Variants in PICALM observed in about 807,000 individuals in gnomAD.
PICALM encodes the protein phosphatidylinositol-binding clathrin assembly protein.
Under a neutral mutation model 80.5 loss-of-function variants are expected in PICALM, and 40 were observed. The observed-to-expected ratio is 0.50, with a 90% CI of 0.39 to 0.65. The LOEUF (loss-of-function observed/expected upper bound fraction) is 0.65, where lower values mean the gene tolerates loss of function less well. Among genes scored for constraint, PICALM ranks in the 30% least tolerant of loss-of-function variants. PICALM has a pLI of 0.00. For synonymous variants in PICALM, 288 were observed against 260.3 expected, an observed-to-expected ratio of 1.11 and a Z score of -1.02; for missense variants, 676 against 778.9, an observed-to-expected ratio of 0.87 and a Z score of 1.57.
intron 1 of PICALM, among the ~76,000 whole-genome samples, chr11:86,033,503 T>G (rs540861254): frequency 4.7e-4 from 72 of 152,288 alleles, no homozygotes; most frequent in African/African-American, 1.7e-3. Flanking sequence ...GCTTGCTCCC[T>G]TCGCTTCCTT....
intron 1 of PICALM, among the ~76,000 whole-genome samples, chr11:86,044,284 G>GTA (rs2096028267): frequency 6.6e-6 from 1 of 152,134 alleles, no homozygotes; most frequent in South Asian, 2.1e-4. Context: ...GGCAACAGTG[G>GTA]TAGTGTGTCA....
intron 19 of PICALM, 35 bp from the exon 20 acceptor site, chr11:85,959,095 A>G: frequency 6.9e-7 from 1 of 1,459,060 alleles, no homozygotes; most frequent in Non-Finnish European, 9.5e-7. Context: ...AATTCATTGT[A>G]TTGTAGGATG....
intron 19 of PICALM, among the ~76,000 whole-genome samples, chr11:85,969,123 T>A (rs1454864462): frequency 6.6e-6 from 1 of 152,152 alleles, no homozygotes; most frequent in East Asian, 1.9e-4. Context: ...ATCTGGAAGG[T>A]GTTAGCTGCT....
In PICALM at chr11:85,976,636, A is replaced by G. The variant is rs1177904900; in HGVS notation, c.1826T>C (p.Ile609Thr). The G allele has an allele frequency of 5.6e-6, 9 of 1,597,632 alleles. No homozygotes were observed. In the South Asian group the frequency reaches 8.8e-5, roughly 16 times the overall value. The change falls in exon 18 of 20, where the codon ATA becomes ACA. Residue 609 changes from isoleucine (I) to threonine (T), a missense_variant. This residue lies in a region of PICALM where 391 missense variants were observed against 383.6 expected (regional missense o/e 1.02). Transcript: ENST00000393346. ...AYPATTPTGMIGYGIPPQMGS... is the reference protein window; with the variant it reads ...AYPATTPTGMTGYGIPPQMGS... ...GAAAATACTTACAATTCCATATCCT[A>G]TCATGCCTGTTGGTGTAGTAGCAGG...
In PICALM at chr11:86,000,768, T is replaced by A. The variant is rs775654576; in HGVS notation, c.1029A>T (p.Leu343=). 1 of 1,613,052 alleles carries A rather than the reference T, an allele frequency of 6.2e-7. No individual in the cohort carries two copies. The highest frequency in any genetic ancestry group is 1.7e-5 in the Admixed American group (1 of 60,010). The part of the protein sequence containing the change: ...ARLKALKEQR[L]KELAKKPHTS... ...TATGAGGTTTCTTTGCAAGTTCTTT[T>A]AGGCGCTGTTCCTGTTAAGAAAGGG... The change falls in exon 11 of 20, where the codon CTA becomes CTT. Residue 343 remains leucine (L), a synonymous_variant. Transcript: ENST00000393346.
intron 6 of PICALM, 37 bp from the exon 7 acceptor site, chr11:86,011,173 CAAAAT>C (rs1170803716): frequency 1.2e-6 from 1 of 869,212 alleles, no homozygotes; most frequent in Non-Finnish European, 1.8e-6. Flanking sequence ...TTGTTCACAT[CAAAAT>C]ATAACACCCA....
At chr11:85,976,590 T>G in intron 18 of PICALM, 33 bp downstream of exon 18, 1 of 1,333,644 alleles carries the variant, frequency 7.5e-7, no homozygotes, top group Non-Finnish European at 1.1e-6. Flanking sequence ...AATCAATATT[T>G]TTTCCAAAAG....
chr11:85,992,286 T>TG (rs200450049), intron 12 of PICALM, among the ~76,000 whole-genome samples: 8 of 33,612 alleles, frequency 2.4e-4, no homozygotes, highest in African/African-American at 7.4e-4. Context: ...TGTGTTTTGT[T>TG]TTTTTTTTTT....
intron 4 of PICALM, among the ~76,000 whole-genome samples, chr11:86,019,842 T>G (rs1017308193): frequency 6.6e-6 from 1 of 152,224 alleles, no homozygotes; most frequent in African/African-American, 2.4e-5. Flanking sequence ...ATTTAAAATT[T>G]CAATAGAACA....
rs148486517 is a variant in PICALM, at chr11:86,026,323, T to C, written c.318A>G (p.Leu106=). 262 of 1,603,284 alleles carry C rather than the reference T, an allele frequency of 1.6e-4. No homozygotes were observed. The highest frequency in any genetic ancestry group is 3.8e-4 in the East Asian group (17 of 44,734). Residue 106 remains leucine (L), a synonymous_variant, in exon 3 of 20, where the codon TTA becomes TTG. Transcript: ENST00000393346. The part of the protein sequence containing the change: ...YLASRNTLFN[L]SNFLDKSGLQ... Reference sequence around the variant, plus strand: ...ATCCACTTTTATCCAAAAAATTGCTTAAGTTAAACAACGTGTTTCTTGAAG... The same window carrying C: ...ATCCACTTTTATCCAAAAAATTGCTCAAGTTAAACAACGTGTTTCTTGAAG...
chr11:86,030,522 G>C (rs189455479), intron 2 of PICALM, among the ~76,000 whole-genome samples: 223 of 152,302 alleles, frequency 1.5e-3, no homozygotes, highest in African/African-American at 5.1e-3. Context: ...GTTCTACTCA[G>C]ATGTTCTTGA....
rs766728047 is a variant in PICALM, at chr11:86,050,204, C to CAAAAAAA, written c.130+18440_130+18446dup. On this transcript the variant is annotated intron_variant, in intron 1 of 19. Coordinates refer to ENST00000393346, the MANE Select transcript of PICALM (RefSeq NM_007166.4). Reference sequence around the variant, plus strand: ...TGGGCAACAGAGCAAGACTCTGTCTCAAAAAAAAAAAAAAAAAAAAACTAT... The same window carrying CAAAAAAA: ...TGGGCAACAGAGCAAGACTCTGTCTCAAAAAAAAAAAAAAAAAAAAAAAAAAAACTAT... Among the ~76,000 whole-genome samples, 570 of 81,740 alleles carry CAAAAAAA rather than the reference C, an allele frequency of 7.0e-3. 7 individuals carry two copies. The highest frequency in any genetic ancestry group is 0.016 in the African/African-American group (308 of 18,820). 53.6% of individuals were successfully genotyped at this position (81,740 alleles called of 152,430 possible). A position where few individuals can be genotyped will look rare whatever the true frequency, so the allele number is the denominator to read the frequency against.
At chr11:86,016,995 G>A (rs955514424) in intron 4 of PICALM, among the ~76,000 whole-genome samples, 5 of 152,162 alleles carry the variant, frequency 3.3e-5, no homozygotes, top group Non-Finnish European at 5.9e-5. Flanking sequence ...GCTGAGGGGC[G>A]AGTGGATCAC....
intron 10 of PICALM, 76 bp downstream of exon 10, chr11:86,000,959 A>G: frequency 1.3e-6 from 2 of 1,563,136 alleles, no homozygotes; most frequent in Non-Finnish European, 8.7e-7. Flanking sequence ...TAAGACTCTA[A>G]GTCTGTGCAG....
At chr11:86,011,457 T>C (rs755826859) in intron 6 of PICALM, among the ~76,000 whole-genome samples, 2 of 152,254 alleles carry the variant, frequency 1.3e-5, no homozygotes, top group Non-Finnish European at 2.9e-5. Context: ...CTAACATCTA[T>C]TTCCAATCTT....
intron 17 of PICALM, among the ~76,000 whole-genome samples, chr11:85,977,857 T>C (rs754935578): frequency 2.0e-5 from 3 of 152,174 alleles, no homozygotes; most frequent in Non-Finnish European, 2.9e-5. Flanking sequence ...TGGCGGAATA[T>C]TAAGCAAGAA....
At position 85,958,500 on chromosome 11, in the gene PICALM, A is replaced by C. The variant is rs539723487; in HGVS notation, c.*546T>G. ...TTATGTAAAATTGATAATCATAAATAAATACAAATACTTAAGGAATGTCTA... is the reference window on the plus strand; with the variant it reads ...TTATGTAAAATTGATAATCATAAATCAATACAAATACTTAAGGAATGTCTA... On this transcript the variant is annotated 3_prime_UTR_variant, in exon 20 of 20. Transcript: ENST00000393346. 2.9e-5 allele frequency: 6 copies of C among 209,156 alleles called. No individual in the cohort carries two copies. In the East Asian group the frequency reaches 3.7e-4, roughly 13 times the overall value. The allele number at this position is 209,156 out of a possible 1,614,324, so 13.0% of individuals were successfully genotyped here. A position where few individuals can be genotyped will look rare whatever the true frequency, so the allele number is the denominator to read the frequency against.
At chr11:85,998,401 A>G (rs576616572) in intron 11 of PICALM, among the ~76,000 whole-genome samples, 1 of 152,034 alleles carries the variant, frequency 6.6e-6, no homozygotes, top group African/African-American at 2.4e-5. Context: ...ATGAGCCACC[A>G]TGCCCGGCCG....
At chr11:85,983,284 G>C (rs566631546) in intron 14 of PICALM, among the ~76,000 whole-genome samples, 6 of 152,178 alleles carry the variant, frequency 3.9e-5, no homozygotes, top group African/African-American at 1.2e-4. Context: ...AAATTAACAA[G>C]GTATTAATGA....
Sources: allele counts gnomAD v4.1 joint callset (sites outside exome capture counted in the v4.1 genomes callset), GRCh38; gene constraint gnomAD v4.1.1; regional missense constraint gnomAD v4.1.1; transcripts MANE v1.5; gene names NCBI Gene and HGNC (gene_info 2026-07-23, HGNC 2026-07-21).